Variants in INVS observed in about 807,000 individuals in gnomAD.
The protein encoded by INVS is inversion of embryo turning homolog.
A neutral mutation model predicts 108.8 loss-of-function variants in INVS; 86 were observed. That is an observed-to-expected ratio of 0.79 (90% confidence interval 0.66 to 0.95). INVS has a LOEUF of 0.95. Ranked by LOEUF, INVS falls within the 40% of genes least tolerant of loss-of-function variation. The probability of loss-of-function intolerance (pLI) is 0.00; values close to 1 mark genes in which losing one functional copy is unlikely to be tolerated. For missense variants in INVS, 1,169 were observed against 1,297.4 expected (o/e 0.90, Z 1.52); for synonymous variants, 455 against 473.5 (o/e 0.96, Z 0.51).
intron 2 of INVS, among the ~76,000 whole-genome samples, chr9:100,124,070 A>G (rs1296711160): frequency 6.6e-6 from 1 of 152,072 alleles, no homozygotes; most frequent in Non-Finnish European, 1.5e-5. Flanking sequence ...CAGCCTCCCA[A>G]AATGTTGGGA....
chr9:100,159,284 A>G (rs900954404), intron 3 of INVS, among the ~76,000 whole-genome samples: 2 of 152,316 alleles, frequency 1.3e-5, no homozygotes, highest in African/African-American at 4.8e-5. Context: ...AGGAGAGAGA[A>G]TTTGAACTAG....
chr9:100,290,273 A>G (rs181941274), intron 13 of INVS, among the ~76,000 whole-genome samples: 2 of 151,982 alleles, frequency 1.3e-5, no homozygotes, highest in South Asian at 2.1e-4. Context: ...CAGGTAATCA[A>G]TTTCTTTAGT....
chr9:100,270,997 T>C (rs1465853189), intron 11 of INVS, among the ~76,000 whole-genome samples: 1 of 151,802 alleles, frequency 6.6e-6, no homozygotes, highest in Non-Finnish European at 1.5e-5. Flanking sequence ...GATTCAAATA[T>C]ACAACAATAT....
At chr9:100,278,799 C>T (rs953924673) in intron 12 of INVS, among the ~76,000 whole-genome samples, 3 of 152,150 alleles carry the variant, frequency 2.0e-5, no homozygotes, top group African/African-American at 7.2e-5. Flanking sequence ...CATTATATAC[C>T]ACTCATCCTC....
intron 10 of INVS, 47 bp downstream of exon 10, chr9:100,253,183 G>A (rs750285208): frequency 2.1e-6 from 3 of 1,431,054 alleles, no homozygotes; most frequent in South Asian, 1.2e-5. Context: ...AGAATTTAGA[G>A]TATTTCTTCT....
intron 3 of INVS, among the ~76,000 whole-genome samples, chr9:100,178,871 G>A (rs1299635729): frequency 6.6e-6 from 1 of 152,170 alleles, no homozygotes; most frequent in Non-Finnish European, 1.5e-5. Flanking sequence ...AGGGAAAAAT[G>A]TTAAGGGCAG....
intron 7 of INVS, among the ~76,000 whole-genome samples, chr9:100,245,380 A>G (rs1221070927): frequency 1.3e-5 from 2 of 152,116 alleles, no homozygotes; most frequent in East Asian, 1.9e-4. Flanking sequence ...CCCGGGTTCA[A>G]TCAATTCCCC....
intron 11 of INVS, among the ~76,000 whole-genome samples, chr9:100,267,465 A>G (rs1350261944): frequency 6.6e-6 from 1 of 152,194 alleles, no homozygotes; most frequent in Non-Finnish European, 1.5e-5. Flanking sequence ...CCATTCCCAC[A>G]TGGCAGGTCC....
chr9:100,214,499 C>T (rs550892424), intron 3 of INVS, among the ~76,000 whole-genome samples: 27 of 152,262 alleles, frequency 1.8e-4, no homozygotes, highest in Admixed American at 1.1e-3. Context: ...TTGTCTAAGC[C>T]ACATGGGCAG....
chr9:100,255,808 T>C (rs984000431), intron 10 of INVS, among the ~76,000 whole-genome samples: 2 of 152,180 alleles, frequency 1.3e-5, no homozygotes, highest in South Asian at 2.1e-4. Flanking sequence ...CTGCTGGATT[T>C]GGTTTGCCAG....
chr9:100,223,042 T>C (rs1334325151), intron 3 of INVS, among the ~76,000 whole-genome samples: 8 of 151,980 alleles, frequency 5.3e-5, no homozygotes, highest in Admixed American at 4.6e-4. Context: ...TTAACTGTTA[T>C]GATCTAATAT....
chr9:100,219,023 G>A (rs148658639), intron 3 of INVS, among the ~76,000 whole-genome samples: 47 of 152,218 alleles, frequency 3.1e-4, no homozygotes, highest in Admixed American at 2.9e-3. Context: ...CAAAATATTT[G>A]AAGAAATCTA....
chr9:100,160,567 C>G (rs1279397907), intron 3 of INVS, among the ~76,000 whole-genome samples: 1 of 152,174 alleles, frequency 6.6e-6, no homozygotes, highest in Non-Finnish European at 1.5e-5. Context: ...TTCCATAAGG[C>G]TGACTTGCAA....
rs754507591 is a variant in INVS at position 100,292,622 on chromosome 9, GC to G, written c.2371del (p.Gln791ArgfsTer45). ...RHDTEPKAKC[A>X]PQKRRTQELR... ...TGACACAGAACCCAAGGCCAAATGT[GC>G]CCCCCAGAAAAGGCGCACTCAAGAG... On this transcript the variant is annotated frameshift_variant, in exon 14 of 17. Coordinates refer to ENST00000262457, the MANE Select transcript of INVS (RefSeq NM_014425.5). LOFTEE classifies it high-confidence loss of function. 1.9e-6 allele frequency: 3 copies of G among 1,614,022 alleles called. No homozygotes were observed. The highest frequency in any genetic ancestry group is 2.7e-5 in the African/African-American group (2 of 74,904).
chr9:100,156,357 T>A (rs1828982853), intron 3 of INVS, among the ~76,000 whole-genome samples: 1 of 147,804 alleles, frequency 6.8e-6, no homozygotes, highest in African/African-American at 2.5e-5. Flanking sequence ...GTCTCCTGGG[T>A]TCAAGCAATT....
intron 15 of INVS, 32 bp from the exon 16 acceptor site, chr9:100,297,904 A>G: frequency 6.2e-7 from 1 of 1,613,568 alleles, no homozygotes. Context: ...ATCCCTGGCC[A>G]AAGAAAAGTA....
intron 3 of INVS, among the ~76,000 whole-genome samples, chr9:100,201,697 G>C (rs1050621152): frequency 3.9e-5 from 6 of 152,186 alleles, no homozygotes; most frequent in Admixed American, 6.5e-5. Flanking sequence ...AATTACCTTG[G>C]AAGTGTTGGG....
intron 3 of INVS, among the ~76,000 whole-genome samples, chr9:100,155,853 A>T (rs1440502565): frequency 1.3e-5 from 2 of 152,224 alleles, no homozygotes; most frequent in Non-Finnish European, 2.9e-5. Flanking sequence ...AGTAACCAAG[A>T]TTTTCAATAA....
chr9:100,149,049 C>CAA (rs11333350), intron 3 of INVS, among the ~76,000 whole-genome samples: 9 of 145,016 alleles, frequency 6.2e-5, no homozygotes, highest in African/African-American at 1.5e-4. Flanking sequence ...TTCACTGTAG[C>CAA]AAAAAAAAAA....
Sources: gnomAD v4.1 joint callset for allele counts (sites outside exome capture counted in the v4.1 genomes callset) on GRCh38, gnomAD v4.1.1 for gene constraint, MANE v1.5 for transcripts, NCBI Gene and HGNC (gene_info 2026-07-23, HGNC 2026-07-21) for gene names.